The following TTLL5 variants were observed in gnomAD, a reference collection of about 807,000 sequenced individuals.
The protein encoded by TTLL5 is tubulin tyrosine ligase like 5.
In TTLL5, 132 loss-of-function variants were observed where a neutral mutation model predicts 168.4. That is an observed-to-expected ratio of 0.78 (90% CI 0.68 to 0.91). The LOEUF is 0.91. Ranked by LOEUF, TTLL5 falls within the 40% of genes least tolerant of loss-of-function variation. The pLI is 0.00. For synonymous variants in TTLL5, 546 were observed against 558.6 expected, an observed-to-expected ratio of 0.98 and a Z score of 0.32; for missense variants, 1,545 against 1,581.5, an observed-to-expected ratio of 0.98 and a Z score of 0.39.
At chr14:75,718,656 G>A (rs1169878057) in intron 10 of TTLL5, among the ~76,000 whole-genome samples, 2 of 152,056 alleles carry the variant, frequency 1.3e-5, no homozygotes, top group African/African-American at 4.8e-5. Flanking sequence ...ATAAATACTT[G>A]TATGATCAAG....
intron 7 of TTLL5, among the ~76,000 whole-genome samples, chr14:75,699,535 G>T (rs1886106529): frequency 6.6e-6 from 1 of 152,170 alleles, no homozygotes; most frequent in African/African-American, 2.4e-5. Context: ...CAGAAAAGAG[G>T]TACCTTTTCT....
chr14:75,782,885 G>A (rs1292838727), intron 25 of TTLL5, among the ~76,000 whole-genome samples: 1 of 152,174 alleles, frequency 6.6e-6, no homozygotes, highest in Non-Finnish European at 1.5e-5. Context: ...TGTAAGACAT[G>A]CCTGCTCTGT....
intron 17 of TTLL5, among the ~76,000 whole-genome samples, chr14:75,747,617 G>A (rs1303038645): frequency 1.3e-5 from 2 of 151,748 alleles, no homozygotes; most frequent in East Asian, 3.9e-4. Context: ...CATTGTTATG[G>A]TTTGTTTATA....
At chr14:75,749,553 C>G (rs545525274) in intron 17 of TTLL5, among the ~76,000 whole-genome samples, 1 of 71,016 alleles carries the variant, frequency 1.4e-5, no homozygotes, top group East Asian at 2.7e-4. Flanking sequence ...ATGGGGAGTG[C>G]TGACCCTATA....
rs143920138 is a variant in TTLL5 at position 75,947,447 on chromosome 14, C to G, written c.3824-6977C>G. ...AAAGGTTCACCAAGAAAGTGCTCAA[C>G]CTTTTCTCGTCAACTTACTTTAACT... On this transcript the variant is annotated intron_variant, in intron 31 of 31. Transcript: ENST00000298832. 5.9e-3 allele frequency among the ~76,000 whole-genome samples: 892 copies of G among 152,182 alleles called. 9 individuals are homozygous for G. The highest frequency in any genetic ancestry group is 0.02 in the African/African-American group (833 of 41,538).
intron 27 of TTLL5, among the ~76,000 whole-genome samples, chr14:75,797,313 A>T (rs1893047358): frequency 6.6e-6 from 1 of 151,944 alleles, no homozygotes; most frequent in African/African-American, 2.4e-5. Context: ...TAGATCTAGG[A>T]GCTTTTTGGG....
chr14:75,708,131 C>T (rs573351515), intron 9 of TTLL5, among the ~76,000 whole-genome samples: 20 of 152,280 alleles, frequency 1.3e-4, no homozygotes, highest in African/African-American at 4.6e-4. Flanking sequence ...TTTTCATCCT[C>T]GCAACAACCT....
intron 15 of TTLL5, among the ~76,000 whole-genome samples, chr14:75,742,540 C>T (rs1889339423): frequency 6.6e-6 from 1 of 152,212 alleles, no homozygotes; most frequent in African/African-American, 2.4e-5. Flanking sequence ...AGACCACAGG[C>T]ATGTGCCACC....
At chr14:75,868,922 C>CTGTT (rs1470575508) in intron 29 of TTLL5, among the ~76,000 whole-genome samples, 1 of 151,850 alleles carries the variant, frequency 6.6e-6, no homozygotes, top group Non-Finnish European at 1.5e-5. Context: ...AAAGAGCAGG[C>CTGTT]AAACAGTCTA....
intron 27 of TTLL5, among the ~76,000 whole-genome samples, chr14:75,793,535 T>C (rs1395065191): frequency 6.6e-6 from 1 of 152,206 alleles, no homozygotes; most frequent in Non-Finnish European, 1.5e-5. Context: ...GTTTTATGGG[T>C]AACTGATTAA....
intron 12 of TTLL5, among the ~76,000 whole-genome samples, chr14:75,731,456 A>G (rs1044338524): frequency 3.3e-5 from 5 of 151,628 alleles, no homozygotes; most frequent in Non-Finnish European, 5.9e-5. Context: ...TTGTAGAGGA[A>G]GTCTCAGTAA....
intron 18 of TTLL5, chr14:75,757,830 G>T (rs894341576): frequency 2.5e-6 from 4 of 1,591,478 alleles, no homozygotes; most frequent in African/African-American, 1.3e-5. Flanking sequence ...TGCTTCTGTA[G>T]GGGAAACCCA....
chr14:75,722,268 C>A (rs1887888270), intron 12 of TTLL5, among the ~76,000 whole-genome samples: 1 of 151,682 alleles, frequency 6.6e-6, no homozygotes, highest in African/African-American at 2.4e-5. Context: ...TTTTTTGAGA[C>A]AAGGTCTTGC....
intron 8 of TTLL5, 118 bp from the exon 9 acceptor site, chr14:75,707,505 T>C: frequency 1.3e-6 from 1 of 763,000 alleles, no homozygotes; most frequent in Non-Finnish European, 2.1e-6. Context: ...GCAGTGTGTG[T>C]TTCATGTGGA....
chr14:75,764,806 A>T, intron 19 of TTLL5, 34 bp downstream of exon 19: 1 of 1,612,774 alleles, frequency 6.2e-7, no homozygotes, highest in South Asian at 1.1e-5. Flanking sequence ...AAACTCCCTT[A>T]TCTGGATCCT....
At chr14:75,917,754 A>G (rs1233746654) in intron 31 of TTLL5, among the ~76,000 whole-genome samples, 2 of 152,184 alleles carry the variant, frequency 1.3e-5, no homozygotes. Context: ...CAGAGGAAAC[A>G]TGGATGTAGA....
At chr14:75,942,994 T>C (rs1270455005) in intron 31 of TTLL5, among the ~76,000 whole-genome samples, 1 of 152,104 alleles carries the variant, frequency 6.6e-6, no homozygotes, top group Non-Finnish European at 1.5e-5. Flanking sequence ...CTGTAGACAT[T>C]TGGCCAAAAA....
chr14:75,951,579 G>A (rs1214734281), intron 31 of TTLL5, among the ~76,000 whole-genome samples: 3 of 151,608 alleles, frequency 2.0e-5, no homozygotes, highest in Non-Finnish European at 4.4e-5. Context: ...GGGCAACATG[G>A]CAAAACTCTG....
chr14:75,869,013 AGTGTGTGTGTGTGTGTGTGTGTGTGT>A (rs3138589), intron 29 of TTLL5, among the ~76,000 whole-genome samples: 1 of 124,418 alleles, frequency 8.0e-6, no homozygotes, highest in African/African-American at 3.1e-5. Context: ...AGAGGGGAGG[AGTGTGTGTGTGTGTGTGTGTGTGTGT>A]GTGTGTGTGT....
Sources: allele counts gnomAD v4.1 joint callset (sites outside exome capture counted in the v4.1 genomes callset), GRCh38; gene constraint gnomAD v4.1.1; transcripts MANE v1.5; gene names NCBI Gene and HGNC (gene_info 2026-07-23, HGNC 2026-07-21).